Variants in MOG observed in about 807,000 individuals in gnomAD.
MOG encodes the protein myelin-oligodendrocyte glycoprotein.
A neutral mutation model predicts 35.9 loss-of-function variants in MOG; 20 were observed. The ratio of observed to expected loss-of-function variants is 0.56; its 90% CI spans 0.39 to 0.81. The LOEUF is 0.81. Ranked by LOEUF, MOG falls within the 30% of genes least tolerant of loss-of-function variation. The pLI, the probability that MOG is intolerant of heterozygous loss-of-function variation, is 0.00. For missense variants in MOG, 251 were observed against 301.0 expected (o/e 0.83, Z 1.23); for synonymous variants, 92 against 114.3 (o/e 0.80, Z 1.25).
chr6:29,666,306 A>G, intron 3 of MOG, 41 bp downstream of exon 3: 2 of 1,220,936 alleles, frequency 1.6e-6, no homozygotes, highest in Admixed American at 3.4e-5. Context: ...CCTTTCTTTA[A>G]ATGAGCTGGC....
In MOG at chr6:29,662,222, G is replaced by C; in HGVS notation, c.436+2556G>C. The C allele has an allele frequency of 1.0e-6, 1 of 978,692 alleles. No individual in the cohort carries two copies. Among genetic ancestry groups the C allele is most frequent in the Non-Finnish European group, 1.2e-6 (1 of 824,046 alleles). The allele number at this position is 978,692 out of a possible 1,614,324, so 60.6% of individuals were successfully genotyped here. A position where few individuals can be genotyped will look rare whatever the true frequency, so the allele number is the denominator to read the frequency against. ...ACAAATGCCAGGCGCGGCAGCTCAC[G>C]CCTGTAATCCCAGCACTTTGGGAGG... On this transcript the variant is annotated intron_variant, in intron 2 of 7. Transcript: ENST00000376917. This position sits in a 1 kb window ranked among gnomAD's most constrained non-coding sequence, Gnocchi z 4.2.
Position 29,670,021 on chromosome 6 carries a change from G to A in MOG, c.593-260G>A, listed in dbSNP as rs927947323. 8.3e-5 allele frequency: 59 copies of A among 713,854 alleles called. No homozygotes were observed. The highest frequency in any genetic ancestry group is 7.3e-4 in the Middle Eastern group (2 of 2,726). The allele number at this position is 713,854 out of a possible 1,614,324, so 44.2% of individuals were successfully genotyped here. A position where few individuals can be genotyped will look rare whatever the true frequency, so the allele number is the denominator to read the frequency against. ...CTTGGCCTCATGATCCACCCGTCTC[G>A]GACTCCCAGAGTGTTGGGATTACAG... On this transcript the variant is annotated intron_variant, in intron 5 of 7. Transcript: ENST00000376917. The surrounding 1 kb of genome is among the most constrained non-coding windows in gnomAD (Gnocchi z 4.2).
Position 29,670,726 on chromosome 6 carries a change from GTTCTC to G in MOG, c.730+12_730+16del, listed in dbSNP as rs766906528. 10 of 1,612,312 alleles carry G rather than the reference GTTCTC, an allele frequency of 6.2e-6. No homozygotes were observed. Among genetic ancestry groups the G allele is most frequent in the East Asian group, 4.5e-5 (2 of 44,882 alleles). The stretch of plus-strand genomic sequence containing the variant: ...GGCAATTCCTTGAAGAGCTACGTAA[GTTCTC>G]TTCTCTCTGTTATAAGCAGAGAATA... On this transcript the variant is annotated splice_donor_region_variant and intron_variant, in intron 7 of 7. Transcript: ENST00000376917. This position sits in a 1 kb window ranked among gnomAD's most constrained non-coding sequence, Gnocchi z 4.2.
At chr6:29,664,210 A>T (rs1182421061) in intron 2 of MOG, among the ~76,000 whole-genome samples, 58 of 145,588 alleles carry the variant, frequency 4.0e-4, no homozygotes, top group African/African-American at 1.4e-3. Context: ...TTATTTATTT[A>T]TTTATTTTTT....
chr6:29,663,893 T>C, intron 2 of MOG: 1 of 952,600 alleles, frequency 1.0e-6, no homozygotes, highest in Non-Finnish European at 1.2e-6. Context: ...TAATTATACC[T>C]AAGCAACCCT....
In MOG at chr6:29,670,912, T is replaced by A; in HGVS notation, c.730+191T>A. The stretch of plus-strand genomic sequence containing the variant: ...AGAAGCCAGCTGTTAGAGACACATT[T>A]ACAGGTGGCAGAGAAGCTGGAGGCA... On this transcript the variant is annotated intron_variant, in intron 7 of 7. Coordinates refer to ENST00000376917, the MANE Select transcript of MOG (RefSeq NM_206809.4). This position sits in a 1 kb window ranked among gnomAD's most constrained non-coding sequence, Gnocchi z 4.2. 6.2e-7 allele frequency: 1 copy of A among 1,607,386 alleles called. No homozygotes were observed. Among genetic ancestry groups the A allele is most frequent in the Non-Finnish European group, 8.5e-7 (1 of 1,177,210 alleles).
In MOG at chr6:29,667,926, T is replaced by C. The variant is rs550571148; in HGVS notation, c.592+2T>C. ...CAGAGAATCTCCACCGGACTTTTGGTAAGTTCCGGCATGTCTAGGCCCTCC... is the reference window on the plus strand; with the variant it reads ...CAGAGAATCTCCACCGGACTTTTGGCAAGTTCCGGCATGTCTAGGCCCTCC... On this transcript the variant is annotated splice_donor_variant, in intron 5 of 7. Transcript: ENST00000376917. LOFTEE classifies it high-confidence loss of function. 2 of 1,613,236 alleles carry C rather than the reference T, an allele frequency of 1.2e-6. No individual in the cohort carries two copies. The highest frequency in any genetic ancestry group is 1.3e-5 in the African/African-American group (1 of 75,050).
intron 1 of MOG, 35 bp from the exon 2 acceptor site, chr6:29,659,284 G>A (rs779430626): frequency 3.7e-6 from 6 of 1,608,164 alleles, no homozygotes; most frequent in Non-Finnish European, 5.1e-6. Flanking sequence ...GGTTCCCTCT[G>A]ACCTTAAATC....
intron 2 of MOG, chr6:29,661,816 CAAAAAAAAAAA>C (rs9278231): frequency 3.4e-6 from 3 of 874,424 alleles, no homozygotes; most frequent in Non-Finnish European, 2.6e-6. Context: ...AACTCCATCT[CAAAAAAAAAAA>C]AAAAAAAAAA....
intron 5 of MOG, among the ~76,000 whole-genome samples, chr6:29,668,875 A>G (rs1770784681): frequency 6.6e-6 from 1 of 152,210 alleles, no homozygotes; most frequent in South Asian, 2.1e-4. Flanking sequence ...TCATTGTACT[A>G]AAATACAGTT....
chr6:29,670,314 T>C lies in MOG; in HGVS notation c.626T>C (p.Ile209Thr), dbSNP rs1386550176. 6.2e-7 allele frequency: 1 copy of C among 1,614,204 alleles called. No homozygotes were observed. Residue 209 changes from isoleucine (I) to threonine (T), a missense_variant, in exon 6 of 8, where the codon ATA becomes ACA. Transcript: ENST00000376917. This position sits in a 1 kb window ranked among gnomAD's most constrained non-coding sequence, Gnocchi z 4.2. ...PHFLRVPCWK[I>T]TLFVIVPVLG... ...TTTCTGAGGGTGCCCTGCTGGAAGA[T>C]AACCCTGTTTGTAATTGTGCCGGTT...
intron 2 of MOG, chr6:29,660,007 A>C (rs865853895): frequency 6.4e-5 from 25 of 390,666 alleles, no homozygotes; most frequent in Middle Eastern, 1.6e-3. Context: ...TTGAGTGATA[A>C]GAGCAAGCTG....
At chr6:29,667,873 C>T in intron 4 of MOG, 31 bp from the exon 5 acceptor site, 1 of 1,613,762 alleles carries the variant, frequency 6.2e-7, no homozygotes, top group Non-Finnish European at 8.5e-7. Flanking sequence ...GAGTGCCCTA[C>T]TAAATCCATT....
chr6:29,667,760 CCT>C, intron 4 of MOG, 97 bp downstream of exon 4: 2 of 1,546,040 alleles, frequency 1.3e-6, no homozygotes, highest in Non-Finnish European at 1.8e-6. Context: ...CTCTCAATAC[CCT>C]GTTTTCCCCT....
intron 2 of MOG, 90 bp downstream of exon 2, chr6:29,659,756 C>G: frequency 9.8e-7 from 1 of 1,017,892 alleles, no homozygotes; most frequent in Non-Finnish European, 1.5e-6. Context: ...TCAACCCAAA[C>G]ATCTCAGTCC....
intron 1 of MOG, 119 bp downstream of exon 1, chr6:29,657,416 C>T (rs971842595): frequency 3.7e-6 from 3 of 803,860 alleles, no homozygotes; most frequent in Admixed American, 2.0e-5. Context: ...AAACATAGAC[C>T]TACTGACATG....
chr6:29,661,912 C>A, intron 2 of MOG: 1 of 984,998 alleles, frequency 1.0e-6, no homozygotes, highest in East Asian at 1.1e-4. Flanking sequence ...TTGCTATCCA[C>A]ATTCCAACCT....
intron 5 of MOG, among the ~76,000 whole-genome samples, chr6:29,668,582 C>G (rs928312062): frequency 1.3e-5 from 2 of 152,210 alleles, no homozygotes; most frequent in Admixed American, 6.5e-5. Flanking sequence ...TTCACAGCTC[C>G]TCCTCCCGAG....
rs568030448 is a variant in MOG, at chr6:29,661,687, G to A, written c.436+2021G>A. On this transcript the variant is annotated intron_variant, in intron 2 of 7. Transcript: ENST00000376917. ...AACACAAAATTAGCCTGGCGTGGTG[G>A]CGCATTCCTGTAATCCCAGCTGGGA... 3.0e-4 allele frequency: 243 copies of A among 819,996 alleles called. 1 individual carries two copies. Among genetic ancestry groups the A allele is most frequent in the Non-Finnish European group, 3.4e-4 (233 of 679,262 alleles). The allele number at this position is 819,996 out of a possible 1,614,324, so 50.8% of individuals were successfully genotyped here.
Sources: gnomAD v4.1 joint callset for allele counts (sites outside exome capture counted in the v4.1 genomes callset) on GRCh38, gnomAD v4.1.1 for gene constraint, Gnocchi (gnomAD v3.1) non-coding constraint, MANE v1.5 for transcripts, NCBI Gene and HGNC (gene_info 2026-07-23, HGNC 2026-07-21) for gene names.